Variants in SLC35F1 observed in about 807,000 individuals in gnomAD.
The protein encoded by SLC35F1 is chromosome 6 open reading frame 169.
Under a neutral mutation model 48.7 loss-of-function variants are expected in SLC35F1, and 14 were observed. That is an observed-to-expected ratio of 0.29 (90% CI 0.19 to 0.45). The LOEUF (loss-of-function observed/expected upper bound fraction) is 0.45. Among genes scored for constraint, SLC35F1 ranks in the 20% least tolerant of loss-of-function variants. SLC35F1 has a pLI of 1.00. For missense variants in SLC35F1, 404 were observed against 500.0 expected (o/e 0.81, Z 1.83); for synonymous variants, 190 against 202.2 (o/e 0.94, Z 0.51).
chr6:117,924,466 A>ATTTATACATATGTATATACG (rs1562239449), intron 1 of SLC35F1, among the ~76,000 whole-genome samples: 1 of 18,154 alleles, frequency 5.5e-5, no homozygotes, highest in African/African-American at 1.7e-4. Context: ...ATGTGTGTAC[A>ATTTATACATATGTATATACG]TATATACATA....
At chr6:118,127,234 A>G (rs899894383) in intron 1 of SLC35F1, among the ~76,000 whole-genome samples, 1 of 152,132 alleles carries the variant, frequency 6.6e-6, no homozygotes, top group African/African-American at 2.4e-5. Flanking sequence ...ATCTATTGAG[A>G]TAATCATGTG....
At chr6:117,937,788 G>A (rs140021107) in intron 1 of SLC35F1, among the ~76,000 whole-genome samples, 65 of 152,276 alleles carry the variant, frequency 4.3e-4, no homozygotes, top group African/African-American at 1.4e-3. Context: ...TGAGCTGTTC[G>A]AACTCAGAAT....
chr6:118,226,961 C>T (rs1445991133), intron 2 of SLC35F1, among the ~76,000 whole-genome samples: 1 of 152,104 alleles, frequency 6.6e-6, no homozygotes, highest in African/African-American at 2.4e-5. Flanking sequence ...AAAATATGTA[C>T]ATCTAATATG....
intron 1 of SLC35F1, among the ~76,000 whole-genome samples, chr6:117,924,698 A>G (rs991818002): frequency 3.9e-5 from 6 of 152,024 alleles, no homozygotes; most frequent in African/African-American, 1.5e-4. Context: ...TCTCGAGTAT[A>G]TGTTGCTTCA....
chr6:118,070,916 A>G (rs369068701), intron 1 of SLC35F1, among the ~76,000 whole-genome samples: 1 of 111,070 alleles, frequency 9.0e-6, no homozygotes, highest in South Asian at 2.8e-4. Flanking sequence ...ATATATATAC[A>G]TAGTAAATAT....
At chr6:118,063,578 C>A (rs1006718843) in intron 1 of SLC35F1, among the ~76,000 whole-genome samples, 11 of 152,108 alleles carry the variant, frequency 7.2e-5, no homozygotes. Flanking sequence ...CTTCCACCCC[C>A]AATCCCCACC....
chr6:118,004,486 A>G (rs1223141895), intron 1 of SLC35F1, among the ~76,000 whole-genome samples: 1 of 152,220 alleles, frequency 6.6e-6, no homozygotes. Flanking sequence ...TAATCCTACT[A>G]GATTCTGTCC....
At chr6:118,092,922 A>G (rs1200045709) in intron 1 of SLC35F1, among the ~76,000 whole-genome samples, 2 of 152,156 alleles carry the variant, frequency 1.3e-5, no homozygotes, top group Non-Finnish European at 2.9e-5. Flanking sequence ...GGTGGAAAGG[A>G]CTTGCCTTGT....
intron 3 of SLC35F1, among the ~76,000 whole-genome samples, chr6:118,264,658 C>T (rs576169522): frequency 5.2e-4 from 79 of 152,334 alleles, no homozygotes; most frequent in Admixed American, 1.0e-3. Flanking sequence ...GGAATAGAGG[C>T]CTTCAGCTCC....
chr6:118,314,690 CT>C lies in SLC35F1; in HGVS notation c.*441del. 5.1e-6 allele frequency: 1 copy of C among 197,078 alleles called. No individual in the cohort carries two copies. Among genetic ancestry groups the C allele is most frequent in the East Asian group, 1.1e-4 (1 of 9,124 alleles). The allele number at this position is 197,078 out of a possible 1,614,324, so 12.2% of individuals were successfully genotyped here. The stretch of plus-strand genomic sequence containing the variant: ...GGCAATTCACTTTTTAAGAGTCATA[CT>C]TTATTTTTTTGCACAGACTATATGA... On this transcript the variant is annotated 3_prime_UTR_variant, in exon 8 of 8. Transcript: ENST00000360388.
intron 1 of SLC35F1, among the ~76,000 whole-genome samples, chr6:118,088,416 A>G (rs545070719): frequency 1.7e-3 from 257 of 152,320 alleles, no homozygotes; most frequent in African/African-American, 6.0e-3. Context: ...GACCATGGCC[A>G]CAAAAGTAGT....
At chr6:118,056,401 C>T (rs1403342689) in intron 1 of SLC35F1, among the ~76,000 whole-genome samples, 2 of 152,098 alleles carry the variant, frequency 1.3e-5, no homozygotes, top group Non-Finnish European at 2.9e-5. Flanking sequence ...CAGTGCTAGT[C>T]TCATCATATT....
At chr6:118,127,491 C>A (rs1773644498) in intron 1 of SLC35F1, among the ~76,000 whole-genome samples, 2 of 152,112 alleles carry the variant, frequency 1.3e-5, no homozygotes, top group African/African-American at 4.8e-5. Context: ...TGATGCTGGC[C>A]TCATAAAATG....
chr6:118,167,503 C>G (rs933848174), intron 2 of SLC35F1, among the ~76,000 whole-genome samples: 10 of 152,052 alleles, frequency 6.6e-5, no homozygotes, highest in Admixed American at 2.0e-4. Context: ...GTACCAAATA[C>G]TGTAGACAAT....
At chr6:118,023,508 A>G (rs1582624482) in intron 1 of SLC35F1, among the ~76,000 whole-genome samples, 1 of 152,166 alleles carries the variant, frequency 6.6e-6, no homozygotes, top group African/African-American at 2.4e-5. Flanking sequence ...TCTTTTCTCA[A>G]ATATATAAAT....
chr6:118,157,282 T>A (rs1394454518), intron 2 of SLC35F1, among the ~76,000 whole-genome samples: 2 of 151,890 alleles, frequency 1.3e-5, no homozygotes, highest in Admixed American at 1.3e-4. Context: ...GAGACCTTTT[T>A]GAAAAAAAGG....
At chr6:118,210,317 C>A (rs1774986083) in intron 2 of SLC35F1, among the ~76,000 whole-genome samples, 1 of 152,148 alleles carries the variant, frequency 6.6e-6, no homozygotes, top group Admixed American at 6.6e-5. Context: ...TTTCTAATTC[C>A]TTCTGAAGAC....
intron 1 of SLC35F1, among the ~76,000 whole-genome samples, chr6:118,071,723 G>T (rs1467730060): frequency 6.6e-6 from 1 of 152,134 alleles, no homozygotes; most frequent in Non-Finnish European, 1.5e-5. Context: ...AAGAATCATT[G>T]TTCCTAATAA....
At chr6:118,119,491 GGCGCC>G (rs1773521501) in intron 1 of SLC35F1, among the ~76,000 whole-genome samples, 1 of 19,442 alleles carries the variant, frequency 5.1e-5, no homozygotes, top group African/African-American at 7.6e-5. Flanking sequence ...AGTAATAACC[GGCGCC>G]CCCCCTCCAC....
Sources: allele counts gnomAD v4.1 joint callset (sites outside exome capture counted in the v4.1 genomes callset), GRCh38; gene constraint gnomAD v4.1.1; transcripts MANE v1.5; gene names NCBI Gene and HGNC (gene_info 2026-07-23, HGNC 2026-07-21).